BLNK: variants seen among roughly 807,000 people sequenced by gnomAD.
BLNK encodes B cell linker, also known as B-cell linker protein.
In BLNK, 29 loss-of-function variants were observed where a neutral mutation model predicts 73.5. The ratio of observed to expected loss-of-function variants is 0.39; its 90% CI spans 0.29 to 0.54. The LOEUF is 0.54. BLNK is among the 20% of genes least tolerant of loss of function. The pLI is 0.61. For synonymous variants in BLNK, 176 were observed against 200.8 expected (o/e 0.88, Z 1.04); for missense variants, 460 against 562.8 (o/e 0.82, Z 1.85).
Position 96,223,887 on chromosome 10 carries a change from G to C in BLNK, c.464C>G (p.Ala155Gly). Residue 155 changes from alanine to glycine, a missense_variant, in exon 6 of 17, where the codon GCC (alanine) becomes GGC (glycine). Physicochemically the swap from Ala to Gly is moderately conservative, Grantham distance 60 (BLOSUM62 0). Around this residue, in one of 3 missense-constraint regions of BLNK, gnomAD observed 233 missense variants for 232.1 expected, o/e 1.00. Transcript: ENST00000224337. ...EKARLTSTLPALTALQKPQVP... is the reference protein window; with the variant it reads ...EKARLTSTLPGLTALQKPQVP... The stretch of plus-strand genomic sequence containing the variant: ...TTGAGGTTTCTGCAAAGCAGTCAGG[G>C]CCGGCAGGGTGGAGGTGAGCCTTGC... 1 of 1,613,892 alleles carries C rather than the reference G, an allele frequency of 6.2e-7. No individual in the cohort carries two copies. Among genetic ancestry groups the C allele is most frequent in the Non-Finnish European group, 8.5e-7 (1 of 1,180,042 alleles).
At chr10:96,214,963 G>A (rs1368730099) in intron 8 of BLNK, among the ~76,000 whole-genome samples, 1 of 152,130 alleles carries the variant, frequency 6.6e-6, no homozygotes, top group African/African-American at 2.4e-5. Context: ...GGTTCCAACC[G>A]AGGTCTGTCT....
At chr10:96,229,131 T>C (rs1352933325) in intron 4 of BLNK, among the ~76,000 whole-genome samples, 2 of 152,194 alleles carry the variant, frequency 1.3e-5, no homozygotes, top group African/African-American at 4.8e-5. Context: ...CACAATAAAT[T>C]ATTGTTGACT....
chr10:96,227,371 C>T, intron 5 of BLNK, 39 bp downstream of exon 5: 1 of 1,606,822 alleles, frequency 6.2e-7, no homozygotes, highest in South Asian at 1.1e-5. Context: ...TCCCCATGGG[C>T]CTGGAAGGCC....
chr10:96,216,577 G>T, intron 7 of BLNK, 76 bp downstream of exon 7: 1 of 1,278,300 alleles, frequency 7.8e-7, no homozygotes, highest in Non-Finnish European at 1.1e-6. Context: ...GCCTCTTAGT[G>T]CTTACTACCA....
chr10:96,209,932 G>C (rs782207395), intron 8 of BLNK, 25 bp from the exon 9 acceptor site: 9 of 1,613,772 alleles, frequency 5.6e-6, no homozygotes, highest in Non-Finnish European at 7.6e-6. Context: ...ACACTACTCA[G>C]TCCCCAAGTC....
chr10:96,198,510 C>A (rs2083534513), intron 15 of BLNK, among the ~76,000 whole-genome samples: 1 of 152,092 alleles, frequency 6.6e-6, no homozygotes, highest in African/African-American at 2.4e-5. Flanking sequence ...GTCTGCAGAG[C>A]CACCAGACTA....
intron 9 of BLNK, 76 bp from the exon 10 acceptor site, chr10:96,207,975 TC>T: frequency 6.8e-7 from 1 of 1,473,542 alleles, no homozygotes; most frequent in East Asian, 2.3e-5. Context: ...TATTTTAGTC[TC>T]AAATTTAAGC....
intron 15 of BLNK, chr10:96,199,472 A>G: frequency 2.2e-6 from 1 of 460,272 alleles, no homozygotes; most frequent in Non-Finnish European, 4.4e-6. Flanking sequence ...CAAGCCTTCC[A>G]TAGACCTCCC....
chr10:96,201,220 CTCGAAAATCCTT>C lies in BLNK; in HGVS notation c.935-174_935-163del, dbSNP rs2083624816. 5.9e-5 allele frequency among the ~76,000 whole-genome samples: 9 copies of C among 152,316 alleles called. No homozygotes were observed. The South Asian group carries it at 1.7e-3, about 28-fold the overall frequency. ...GTGTGGTCCAAGGACCCCTGGAAAT[CTCGAAAATCCTT>C]TCAGGTGGTTCAAGAGGTCTTTTCT... is the stretch of plus-strand genomic sequence containing the variant. On this transcript the variant is annotated intron_variant, in intron 13 of 16. Coordinates refer to ENST00000224337, the MANE Select transcript of BLNK (RefSeq NM_013314.4).
At chr10:96,202,503 T>G (rs2083672028) in intron 13 of BLNK, among the ~76,000 whole-genome samples, 1 of 152,208 alleles carries the variant, frequency 6.6e-6, no homozygotes, top group Admixed American at 6.5e-5. Context: ...CAACCAGAGT[T>G]GTCCTTTATT....
chr10:96,231,488 A>C (rs1215790462), intron 3 of BLNK, among the ~76,000 whole-genome samples: 1 of 152,184 alleles, frequency 6.6e-6, no homozygotes, highest in African/African-American at 2.4e-5. Context: ...GCACTTTGAG[A>C]GGCCAAGGCA....
chr10:96,230,140 C>A (rs1842439333), intron 4 of BLNK, among the ~76,000 whole-genome samples: 1 of 152,150 alleles, frequency 6.6e-6, no homozygotes, highest in South Asian at 2.1e-4. Context: ...GGATGTCAGG[C>A]CTTGCACATT....
At chr10:96,234,320 G>A (rs370398404) in intron 3 of BLNK, among the ~76,000 whole-genome samples, 15 of 152,226 alleles carry the variant, frequency 9.9e-5, no homozygotes, top group African/African-American at 3.4e-4. Context: ...ATCTACTTCA[G>A]GTCCCAAGTG....
Position 96,191,011 on chromosome 10 carries a change from T to C in BLNK, c.*962A>G, listed in dbSNP as rs587736215. Among the ~76,000 whole-genome samples, 2 of 152,298 alleles carry C rather than the reference T, an allele frequency of 1.3e-5. No individual in the cohort carries two copies. The highest frequency in any genetic ancestry group is 2.9e-5 in the Non-Finnish European group (2 of 68,018). ...TAGCTCCCATAATCCCCACGTGCCA[T>C]GGGAGGGACCTGGTGGGAGGTAACT... On this transcript the variant is annotated 3_prime_UTR_variant, in exon 17 of 17. Coordinates refer to ENST00000224337, the MANE Select transcript of BLNK (RefSeq NM_013314.4).
Position 96,253,781 on chromosome 10 carries a change from C to G in BLNK, c.48-6732G>C, listed in dbSNP as rs953707576. The stretch of plus-strand genomic sequence containing the variant: ...CTGTAATCCCAGCACTTTGGGAGGC[C>G]AAGGCGGGCCGATCATGAGGTCAGG... On this transcript the variant is annotated intron_variant, in intron 1 of 16. Coordinates refer to ENST00000224337, the MANE Select transcript of BLNK (RefSeq NM_013314.4). Among the ~76,000 whole-genome samples the G allele has an allele frequency of 2.0e-5, 3 of 151,930 alleles. No individual in the cohort carries two copies. The East Asian group carries it at 5.8e-4, about 30-fold the overall frequency.
chr10:96,254,703 G>A (rs1315838535), intron 1 of BLNK, among the ~76,000 whole-genome samples: 5 of 151,892 alleles, frequency 3.3e-5, no homozygotes, highest in Admixed American at 2.6e-4. Context: ...TAGAGACGGG[G>A]TTTCACCATG....
chr10:96,240,974 C>T (rs1842864288), intron 3 of BLNK, among the ~76,000 whole-genome samples: 2 of 152,162 alleles, frequency 1.3e-5, no homozygotes, highest in Admixed American at 6.5e-5. Flanking sequence ...TATTAAAGCC[C>T]AGAACAGGGT....
intron 6 of BLNK, 82 bp downstream of exon 6, chr10:96,223,744 A>T: frequency 6.6e-7 from 1 of 1,526,024 alleles, no homozygotes; most frequent in Non-Finnish European, 9.1e-7. Flanking sequence ...AAGAAGGAGG[A>T]CAGCCAGCGG....
At chr10:96,217,390 G>C (rs782488304) in intron 6 of BLNK, among the ~76,000 whole-genome samples, 40 of 152,322 alleles carry the variant, frequency 2.6e-4, no homozygotes, top group African/African-American at 8.2e-4. Context: ...CTGCCAAACT[G>C]TTTTCCAAAG....
Sources: gnomAD v4.1 joint callset for allele counts (sites outside exome capture counted in the v4.1 genomes callset) on GRCh38, gnomAD v4.1.1 for gene constraint, gnomAD v4.1.1 regional missense constraint, MANE v1.5 for transcripts, NCBI Gene and HGNC (gene_info 2026-07-23, HGNC 2026-07-21) for gene names.